The following CNTNAP2 variants were observed in gnomAD, a reference collection of about 807,000 sequenced individuals.
CNTNAP2 encodes the protein contactin associated protein 2, also known as contactin-associated protein-like 2.
A neutral mutation model predicts 155.2 loss-of-function variants in CNTNAP2; 98 were observed. The observed-to-expected ratio is 0.63, with a 90% CI of 0.54 to 0.75. The LOEUF (loss-of-function observed/expected upper bound fraction) is 0.75. CNTNAP2 is among the 30% of genes least tolerant of loss of function. The pLI, the probability that CNTNAP2 is intolerant of heterozygous loss-of-function variation, is 0.00. For missense variants in CNTNAP2, 1,727 were observed against 1,688.1 expected (o/e 1.02, Z -0.40); for synonymous variants, 651 against 631.2 (o/e 1.03, Z -0.47).
At chr7:146,717,403 C>T (rs1233957011) in intron 1 of CNTNAP2, among the ~76,000 whole-genome samples, 1 of 150,252 alleles carries the variant, frequency 6.7e-6, no homozygotes, top group African/African-American at 2.5e-5. Context: ...ATCCCAGCTG[C>T]TCAGGAGGCT....
chr7:148,238,567 G>C (rs1179852363), intron 20 of CNTNAP2, among the ~76,000 whole-genome samples: 1 of 152,156 alleles, frequency 6.6e-6, no homozygotes, highest in African/African-American at 2.4e-5. Flanking sequence ...TTGAGGATTT[G>C]TGTTTTCTTT....
At chr7:148,397,939 C>T (rs1342769328) in intron 22 of CNTNAP2, among the ~76,000 whole-genome samples, 1 of 152,210 alleles carries the variant, frequency 6.6e-6, no homozygotes, top group East Asian at 1.9e-4. Context: ...ACAATGGAAG[C>T]ATATTTAGCA....
intron 16 of CNTNAP2, among the ~76,000 whole-genome samples, chr7:148,142,409 CA>C (rs1482362657): frequency 1.1e-4 from 16 of 151,798 alleles, no homozygotes; most frequent in Admixed American, 1.1e-3. Context: ...ATACAGGAAA[CA>C]AAAAAAGATA....
At chr7:147,009,377 T>A (rs570903700) in intron 3 of CNTNAP2, among the ~76,000 whole-genome samples, 7 of 152,288 alleles carry the variant, frequency 4.6e-5, no homozygotes, top group Non-Finnish European at 1.0e-4. Context: ...CCATATAATG[T>A]CTAACAAAAT....
At chr7:146,243,188 A>T (rs1457557603) in intron 1 of CNTNAP2, among the ~76,000 whole-genome samples, 2 of 152,146 alleles carry the variant, frequency 1.3e-5, no homozygotes, top group South Asian at 4.1e-4. Context: ...CAACGTGGCG[A>T]TCAAAATTGA....
At chr7:146,297,895 A>G (rs991131497) in intron 1 of CNTNAP2, among the ~76,000 whole-genome samples, 1 of 152,106 alleles carries the variant, frequency 6.6e-6, no homozygotes, top group African/African-American at 2.4e-5. Context: ...TTGCATACAC[A>G]GACACACACG....
intron 1 of CNTNAP2, among the ~76,000 whole-genome samples, chr7:146,477,753 G>C (rs764836709): frequency 1.3e-5 from 2 of 151,944 alleles, no homozygotes; most frequent in Non-Finnish European, 2.9e-5. Flanking sequence ...ATTATTTAGA[G>C]ACTGTGATTC....
intron 16 of CNTNAP2, among the ~76,000 whole-genome samples, chr7:148,128,173 G>C (rs551042103): frequency 6.6e-6 from 1 of 152,098 alleles, no homozygotes; most frequent in South Asian, 2.1e-4. Context: ...CGGGCCTCTG[G>C]ATTTTTCTTT....
At chr7:148,080,076 A>G (rs1280666568) in intron 15 of CNTNAP2, among the ~76,000 whole-genome samples, 5 of 152,236 alleles carry the variant, frequency 3.3e-5, no homozygotes, top group Non-Finnish European at 7.3e-5. Context: ...CACTGCAAAC[A>G]GCAACACTCC....
intron 13 of CNTNAP2, among the ~76,000 whole-genome samples, chr7:147,808,978 G>A (rs1434157477): frequency 6.6e-6 from 1 of 152,092 alleles, no homozygotes; most frequent in Admixed American, 6.5e-5. Flanking sequence ...TTGAGTTTTT[G>A]TTGAGTTGTC....
intron 13 of CNTNAP2, among the ~76,000 whole-genome samples, chr7:147,702,510 G>A (rs1216129503): frequency 6.6e-6 from 1 of 151,638 alleles, no homozygotes; most frequent in African/African-American, 2.4e-5. Flanking sequence ...AAAGTATAGT[G>A]GTCCTCACTA....
chr7:147,096,204 C>A (rs1305164543), intron 4 of CNTNAP2, among the ~76,000 whole-genome samples: 1 of 152,136 alleles, frequency 6.6e-6, no homozygotes, highest in Non-Finnish European at 1.5e-5. Context: ...GCTTAAAGAA[C>A]TATGTGGCCA....
chr7:147,256,126 A>G (rs1206042156), intron 8 of CNTNAP2, among the ~76,000 whole-genome samples: 2 of 152,194 alleles, frequency 1.3e-5, no homozygotes, highest in Admixed American at 6.6e-5. Flanking sequence ...AGATTTTGTT[A>G]CTGATATAAA....
chr7:147,207,454 C>T (rs1803046358), intron 8 of CNTNAP2, among the ~76,000 whole-genome samples: 1 of 151,994 alleles, frequency 6.6e-6, no homozygotes, highest in South Asian at 2.1e-4. Flanking sequence ...AAATGTAGTT[C>T]ATAAAGCAGT....
chr7:147,865,707 A>T (rs921999555), intron 13 of CNTNAP2, among the ~76,000 whole-genome samples: 2 of 152,084 alleles, frequency 1.3e-5, no homozygotes, highest in Non-Finnish European at 2.9e-5. Flanking sequence ...TTTCTAGTTT[A>T]TTTGCGTAGA....
At chr7:147,353,922 G>C (rs1796013536) in intron 9 of CNTNAP2, among the ~76,000 whole-genome samples, 1 of 151,570 alleles carries the variant, frequency 6.6e-6, no homozygotes, top group South Asian at 2.1e-4. Context: ...CATGTTTGTT[G>C]GTCGCAAAAA....
chr7:147,227,641 T>A (rs984622883), intron 8 of CNTNAP2, among the ~76,000 whole-genome samples: 3 of 152,000 alleles, frequency 2.0e-5, no homozygotes, highest in Non-Finnish European at 4.4e-5. Flanking sequence ...TGCCCTGGAG[T>A]ATTAGAAAGT....
intron 21 of CNTNAP2, among the ~76,000 whole-genome samples, chr7:148,375,356 TTATATA>T (rs915822407): frequency 6.8e-6 from 1 of 147,820 alleles, no homozygotes; most frequent in African/African-American, 2.5e-5. Context: ...ATATAGTATA[TTATATA>T]TATACAATTT....
At chr7:147,742,014 A>G (rs953551056) in intron 13 of CNTNAP2, among the ~76,000 whole-genome samples, 1 of 152,204 alleles carries the variant, frequency 6.6e-6, no homozygotes, top group African/African-American at 2.4e-5. Flanking sequence ...CACATCTTAC[A>G]TGGATGGTGC....
Sources: gnomAD v4.1 joint callset for allele counts (sites outside exome capture counted in the v4.1 genomes callset) on GRCh38, gnomAD v4.1.1 for gene constraint, MANE v1.5 for transcripts, NCBI Gene and HGNC (gene_info 2026-07-23, HGNC 2026-07-21) for gene names.